Variants in PLA2G4D observed in about 807,000 individuals in gnomAD.
The protein encoded by PLA2G4D is phospholipase A2 group IVD, also known as cytosolic phospholipase A2 delta.
A neutral mutation model predicts 94.4 loss-of-function variants in PLA2G4D; 80 were observed. That is an observed-to-expected ratio of 0.85 (90% CI 0.71 to 1.02). The LOEUF (loss-of-function observed/expected upper bound fraction) is 1.02, where lower values mean the gene tolerates loss of function less well. Among genes scored for constraint, PLA2G4D ranks in the 50% least tolerant of loss-of-function variants. The pLI, the probability that PLA2G4D is intolerant of heterozygous loss-of-function variation, is 0.00. For missense variants in PLA2G4D, 1,050 were observed against 1,034.7 expected (o/e 1.01, Z -0.20); for synonymous variants, 438 against 440.9 (o/e 0.99, Z 0.08).
intron 1 of PLA2G4D, among the ~76,000 whole-genome samples, 161 bp from the exon 2 acceptor site, chr15:42,087,861 T>C (rs754460632): frequency 1.3e-5 from 2 of 152,232 alleles, no homozygotes; most frequent in East Asian, 3.8e-4. Context: ...CCAAAGAGCC[T>C]TTGTCCACTT....
At chr15:42,094,340 A>C (rs1890299313) in intron 1 of PLA2G4D, 75 bp downstream of exon 1, 1 of 1,551,604 alleles carries the variant, frequency 6.4e-7, no homozygotes, top group Admixed American at 1.7e-5. Flanking sequence ...GATTCCAGCT[A>C]TCACACTTCC....
intron 1 of PLA2G4D, among the ~76,000 whole-genome samples, chr15:42,089,882 GC>G (rs1890219611): frequency 6.6e-6 from 1 of 152,190 alleles, no homozygotes. Flanking sequence ...CCGGGTTTAA[GC>G]ACTGTGGTTC....
chr15:42,087,325 C>G lies in PLA2G4D; in HGVS notation c.230G>C (p.Arg77Pro). ...TSHPVWNEAFRFLIQSQVKNV... is the reference protein window; with the variant it reads ...TSHPVWNEAFPFLIQSQVKNV... Reference sequence around the variant, plus strand: ...CTTGACCTGACTTTGGATAAGGAAACGGAAGGCCTCATTCCACACAGGATG... The same window carrying G: ...CTTGACCTGACTTTGGATAAGGAAAGGGAAGGCCTCATTCCACACAGGATG... The change falls in exon 3 of 20, where the codon CGT becomes CCT. Residue 77 changes from arginine (R) to proline (P), a missense_variant. Physicochemically the swap from Arg to Pro is moderately radical, Grantham distance 103. Coordinates refer to ENST00000290472, the MANE Select transcript of PLA2G4D (RefSeq NM_178034.4). 1 of 1,614,114 alleles carries G rather than the reference C, an allele frequency of 6.2e-7. No individual in the cohort carries two copies. The highest frequency in any genetic ancestry group is 8.5e-7 in the Non-Finnish European group (1 of 1,180,014).
intron 13 of PLA2G4D, among the ~76,000 whole-genome samples, chr15:42,076,661 A>T (rs1382992915): frequency 2.0e-5 from 3 of 152,232 alleles, no homozygotes; most frequent in African/African-American, 7.2e-5. Context: ...CAAAACTATG[A>T]TAAATGTTCC....
rs1046807183 is a variant in PLA2G4D, at chr15:42,072,063, G to T, written c.1436-152C>A. On this transcript the variant is annotated intron_variant, in intron 14 of 19. Transcript: ENST00000290472. ...CAGATGTGAGGAATGGGCAGTCCTG[G>T]ACTGACCACACCCCTCCCAGCCCTT... 1.7e-5 allele frequency: 20 copies of T among 1,143,950 alleles called. 1 individual carries two copies. In the East Asian group the frequency reaches 3.1e-4, roughly 17 times the overall value. 70.9% of individuals were successfully genotyped at this position (1,143,950 alleles called of 1,614,324 possible).
rs1331249749 is a variant in PLA2G4D, at chr15:42,084,410, T to G, written c.472-631A>C. Among the ~76,000 whole-genome samples the G allele has an allele frequency of 6.6e-6, 1 of 152,196 alleles. No homozygotes were observed. Among genetic ancestry groups the G allele is most frequent in the Non-Finnish European group, 1.5e-5 (1 of 68,030 alleles). The stretch of plus-strand genomic sequence containing the variant: ...GGCTTGACTTTATTTTCATGTGTAT[T>G]TTTAAAAGTAATACCCGTCCATCAA... On this transcript the variant is annotated intron_variant, in intron 6 of 19. Coordinates refer to ENST00000290472, the MANE Select transcript of PLA2G4D (RefSeq NM_178034.4). This position sits in a 1 kb window ranked among gnomAD's most constrained non-coding sequence, Gnocchi z 4.8.
intron 5 of PLA2G4D, 112 bp downstream of exon 5, chr15:42,085,379 G>A (rs953002171): frequency 3.9e-6 from 5 of 1,280,656 alleles, no homozygotes; most frequent in Admixed American, 3.4e-5. Flanking sequence ...TCTGGCAGGG[G>A]TAGGAGATGA....
Position 42,068,959 on chromosome 15 carries a change from G to T in PLA2G4D, c.2231-18C>A. The T allele has an allele frequency of 6.3e-7, 1 of 1,599,704 alleles. No individual in the cohort carries two copies. On this transcript the variant is annotated intron_variant, in intron 19 of 19. Transcript: ENST00000290472. ...CTGGACACCTGCCCAGGGGTAGGAG[G>T]GGTGTCAGGAGCAGGACGCCGGGGC...
In PLA2G4D at chr15:42,086,194, T is replaced by TTGGGGGGGGGGGGGGCCC; in HGVS notation, c.387+18_387+19insGGGCCCCCCCCCCCCCCA. ...GGAAGAAGTGGGGCCCACGGGGACT[T>TTGGGGGGGGGGGGGGCCC]CCCCACCCACCCACCCACCTGGGGA... On this transcript the variant is annotated intron_variant, in intron 4 of 19. Coordinates refer to ENST00000290472, the MANE Select transcript of PLA2G4D (RefSeq NM_178034.4). 7.3e-7 allele frequency: 1 copy of TTGGGGGGGGGGGGGGCCC among 1,370,440 alleles called. No individual in the cohort carries two copies. The highest frequency in any genetic ancestry group is 9.6e-7 in the Non-Finnish European group (1 of 1,043,080). The allele number at this position is 1,370,440 out of a possible 1,614,324, so 84.9% of individuals were successfully genotyped here.
chr15:42,081,006 C>T lies in PLA2G4D; in HGVS notation c.1085G>A (p.Gly362Asp), dbSNP rs759968770. 6.2e-7 allele frequency: 1 copy of T among 1,613,866 alleles called. No individual in the cohort carries two copies. Among genetic ancestry groups the T allele is most frequent in the Non-Finnish European group, 8.5e-7 (1 of 1,179,854 alleles). Residue 362 changes from glycine to aspartate, a missense_variant, in exon 12 of 20, where the codon GGC becomes GAC. Physicochemically the swap from Gly to Asp is moderately conservative, Grantham distance 94. Transcript: ENST00000290472. ...CCCCCAGGATCCTCACCACGTAGAGCCAGAGATGCCACTGAAGTAGGTCAC... is the reference window on the plus strand; with the variant it reads ...CCCCCAGGATCCTCACCACGTAGAGTCAGAGATGCCACTGAAGTAGGTCAC... ...DCVTYFSGIS[G>D]STWTMAHLYG...
chr15:42,087,471 C>G, intron 2 of PLA2G4D, 35 bp from the exon 3 acceptor site: 1 of 1,613,384 alleles, frequency 6.2e-7, no homozygotes, highest in Non-Finnish European at 8.5e-7. Context: ...TGAGGGAGTA[C>G]TCCCCACACC....
At chr15:42,074,048 G>A (rs1235191295) in intron 13 of PLA2G4D, among the ~76,000 whole-genome samples, 3 of 152,190 alleles carry the variant, frequency 2.0e-5, no homozygotes, top group African/African-American at 7.2e-5. Context: ...AGGTACAAAT[G>A]TGTGTACGTG....
In PLA2G4D at chr15:42,072,300, G is replaced by T. The variant is rs1335494163; in HGVS notation, c.1410C>A (p.Asn470Lys). 1 of 1,613,946 alleles carries T rather than the reference G, an allele frequency of 6.2e-7. No homozygotes were observed. Among genetic ancestry groups the T allele is most frequent in the East Asian group, 2.2e-5 (1 of 44,884 alleles). The stretch of plus-strand genomic sequence containing the variant: ...CCTTGAAGTCCAGTGTCTCCAGATT[G>T]TTCTCTTTGACATTGAGGCTCAAGT... ...PLYLSLNVKENNLETLDFKEW... is the reference protein window; with the variant it reads ...PLYLSLNVKEKNLETLDFKEW... The change falls in exon 14 of 20, where the codon AAC becomes AAA. Residue 470 changes from asparagine (N) to lysine (K), a missense_variant. Coordinates refer to ENST00000290472, the MANE Select transcript of PLA2G4D (RefSeq NM_178034.4).
At position 42,072,945 on chromosome 15, in the gene PLA2G4D, T is replaced by C. The variant is rs181665837; in HGVS notation, c.1318-553A>G. On this transcript the variant is annotated intron_variant, in intron 13 of 19. Transcript: ENST00000290472. The stretch of plus-strand genomic sequence containing the variant: ...TTGCATAACATGAGGTTGTACCCCA[T>C]TGATTATTCTTGCCTTCTGTTCTTA... 1.2e-4 allele frequency among the ~76,000 whole-genome samples: 18 copies of C among 152,248 alleles called. No homozygotes were observed. In the East Asian group the frequency reaches 3.3e-3, roughly 28 times the overall value.
chr15:42,085,601 C>T (rs907969296), intron 4 of PLA2G4D, 70 bp from the exon 5 acceptor site: 3 of 1,470,466 alleles, frequency 2.0e-6, no homozygotes, highest in East Asian at 2.3e-5. Context: ...AGTTCTTTTA[C>T]AGGTGTCATC....
chr15:42,076,166 A>G (rs1403691753), intron 13 of PLA2G4D, among the ~76,000 whole-genome samples: 1 of 152,216 alleles, frequency 6.6e-6, no homozygotes, highest in Non-Finnish European at 1.5e-5. Context: ...TGAAAAATAT[A>G]TGAAACCTGA....
rs1890109180 is a variant in PLA2G4D, at chr15:42,084,820, A to C, written c.471+276T>G. The stretch of plus-strand genomic sequence containing the variant: ...ATCCCTAGAACTATGAGTTCACCGC[A>C]GGTGACTAAACACCTTCCGGAAGCA... On this transcript the variant is annotated intron_variant, in intron 6 of 19. Coordinates refer to ENST00000290472, the MANE Select transcript of PLA2G4D (RefSeq NM_178034.4). This position sits in a 1 kb window ranked among gnomAD's most constrained non-coding sequence, Gnocchi z 4.8. Among the ~76,000 whole-genome samples, 3 of 152,166 alleles carry C rather than the reference A, an allele frequency of 2.0e-5. No homozygotes were observed. In the South Asian group the frequency reaches 6.2e-4, roughly 32 times the overall value.
At chr15:42,077,546 C>G (rs1889954981) in intron 13 of PLA2G4D, among the ~76,000 whole-genome samples, 1 of 152,186 alleles carries the variant, frequency 6.6e-6, no homozygotes, top group Non-Finnish European at 1.5e-5. Context: ...TCTCCTAGGA[C>G]CTTTGTTAGC....
chr15:42,080,094 A>AT (rs902404176), intron 12 of PLA2G4D, among the ~76,000 whole-genome samples: 2 of 152,166 alleles, frequency 1.3e-5, no homozygotes, highest in Non-Finnish European at 2.9e-5. Context: ...TGTAATTTCT[A>AT]TTTTTTTCAA....
Sources: allele counts gnomAD v4.1 joint callset (sites outside exome capture counted in the v4.1 genomes callset), GRCh38; gene constraint gnomAD v4.1.1; non-coding constraint Gnocchi (gnomAD v3.1); transcripts MANE v1.5; gene names NCBI Gene and HGNC (gene_info 2026-07-23, HGNC 2026-07-21).